LHCGR: variants seen among roughly 807,000 people sequenced by gnomAD.
The protein encoded by LHCGR is luteinizing hormone/choriogonadotropin receptor.
In LHCGR, 55 loss-of-function variants were observed where a neutral mutation model predicts 60.7. The ratio of observed to expected loss-of-function variants is 0.91; its 90% CI spans 0.73 to 1.13. The LOEUF (loss-of-function observed/expected upper bound fraction) is 1.13, where lower values mean the gene tolerates loss of function less well. Among genes scored for constraint, LHCGR ranks in the 50% most tolerant of loss-of-function variants. LHCGR has a pLI of 0.00. For synonymous variants in LHCGR, 337 were observed against 316.5 expected (o/e 1.06, Z -0.69); for missense variants, 862 against 836.0 (o/e 1.03, Z -0.38).
chr2:48,734,486 T>C (rs762526180), intron 1 of LHCGR, among the ~76,000 whole-genome samples: 16 of 152,206 alleles, frequency 1.1e-4, no homozygotes, highest in South Asian at 2.1e-4. Context: ...CCCTCTGTAC[T>C]AGAGAGACAA....
chr2:48,710,880 T>G (rs1431667855), intron 7 of LHCGR, among the ~76,000 whole-genome samples: 1 of 152,208 alleles, frequency 6.6e-6, no homozygotes, highest in Non-Finnish European at 1.5e-5. Flanking sequence ...CTTGACAGTT[T>G]TGAAAACTGC....
intron 1 of LHCGR, among the ~76,000 whole-genome samples, chr2:48,734,267 T>C (rs955022172): frequency 3.3e-5 from 5 of 152,188 alleles, no homozygotes; most frequent in Admixed American, 6.5e-5. Flanking sequence ...GGAGATATAA[T>C]ATACTGTTTG....
At chr2:48,706,762 C>T (rs113813589) in intron 8 of LHCGR, among the ~76,000 whole-genome samples, 7,688 of 152,198 alleles carry the variant, frequency 0.051, 601 homozygotes, top group African/African-American at 0.17. Flanking sequence ...TTCTTTTCTA[C>T]ACTGATTTTT....
intron 1 of LHCGR, among the ~76,000 whole-genome samples, chr2:48,748,267 A>C (rs1243530299): frequency 6.6e-6 from 1 of 152,068 alleles, no homozygotes; most frequent in African/African-American, 2.4e-5. Context: ...TATCTTGTAC[A>C]TTTCAGTACG....
Position 48,755,335 on chromosome 2 carries a change from C to G in LHCGR, c.161+176G>C, listed in dbSNP as rs1431861178. 2.0e-5 allele frequency among the ~76,000 whole-genome samples: 3 copies of G among 152,114 alleles called. No individual in the cohort carries two copies. The East Asian group carries it at 5.8e-4, about 29-fold the overall frequency. On this transcript the variant is annotated intron_variant, in intron 1 of 10. Coordinates refer to ENST00000294954, the MANE Select transcript of LHCGR (RefSeq NM_000233.4). ...TCTCAGAGGCATGGGGTGGTAAAAACAACCACCAAGTTTTGGGTTCTCATC... is the reference window on the plus strand; with the variant it reads ...TCTCAGAGGCATGGGGTGGTAAAAAGAACCACCAAGTTTTGGGTTCTCATC...
chr2:48,730,442 A>G (rs17037579), intron 2 of LHCGR, among the ~76,000 whole-genome samples: 25,137 of 152,172 alleles, frequency 0.17, 2,755 homozygotes, highest in East Asian at 0.42. Context: ...CTAATTGCTT[A>G]CTAATACCCT....
rs377567336 is a variant in LHCGR at position 48,687,785 on chromosome 2, T to C, written c.2012A>G (p.Asn671Ser). The C allele has an allele frequency of 6.2e-7, 1 of 1,614,164 alleles. No individual in the cohort carries two copies. ...CTTCAAGGTGGATTGAGAAGGCTTA[T>C]TTGATCCAGTGAAGCCATTTTTGCA... The part of the protein sequence containing the change: ...SNCKNGFTGS[N>S]KPSQSTLKLS... Residue 671 changes from asparagine (N) to serine (S), a missense_variant, in exon 11 of 11, where the codon AAT becomes AGT. By Grantham distance (46) the Asn-to-Ser change is conservative. Coordinates refer to ENST00000294954, the MANE Select transcript of LHCGR (RefSeq NM_000233.4).
At chr2:48,721,608 G>T in intron 6 of LHCGR, 1 of 453,596 alleles carries the variant, frequency 2.2e-6, no homozygotes. Context: ...CAAAGGCAGT[G>T]CACCAAGGAT....
chr2:48,751,900 C>G (rs1669973499), intron 1 of LHCGR, among the ~76,000 whole-genome samples: 1 of 152,138 alleles, frequency 6.6e-6, no homozygotes, highest in South Asian at 2.1e-4. Context: ...TTATTATTAG[C>G]ATTTTCTTAC....
chr2:48,727,290 A>G (rs921915404), intron 3 of LHCGR, among the ~76,000 whole-genome samples: 7 of 152,184 alleles, frequency 4.6e-5, no homozygotes, highest in Non-Finnish European at 8.8e-5. Context: ...AATTTAATAA[A>G]AGAATTTTGG....
At chr2:48,752,987 G>GGGGGGT (rs1670040102) in intron 1 of LHCGR, among the ~76,000 whole-genome samples, 1 of 72,694 alleles carries the variant, frequency 1.4e-5, no homozygotes. Context: ...TTGGCGGGGG[G>GGGGGGT]GGGGGGGGGT....
chr2:48,687,858 G>A lies in LHCGR; in HGVS notation c.1939C>T (p.Arg647Trp), dbSNP rs757979624. Residue 647 changes from arginine to tryptophan, a missense_variant, in exon 11 of 11, where the codon CGG becomes TGG. Physicochemically the swap from Arg to Trp is moderately radical, Grantham distance 101. Transcript: ENST00000294954. ...LLSKFGCCKR[R>W]AELYRRKDFS... ...TCTTTCCTTCTATAAAGTTCAGCCC[G>A]ACGTTTACAGCAGCCAAATTTGCTC... The A allele has an allele frequency of 1.9e-6, 3 of 1,613,976 alleles. No individual in the cohort carries two copies. The highest frequency in any genetic ancestry group is 2.2e-5 in the East Asian group (1 of 44,886).
intron 6 of LHCGR, among the ~76,000 whole-genome samples, chr2:48,715,185 A>G (rs1668189937): frequency 1.3e-5 from 2 of 152,004 alleles, no homozygotes; most frequent in South Asian, 4.2e-4. Flanking sequence ...CTTTATCATC[A>G]TCTGACCCAT....
At chr2:48,704,829 T>A (rs1310581558) in intron 8 of LHCGR, among the ~76,000 whole-genome samples, 1 of 152,218 alleles carries the variant, frequency 6.6e-6, no homozygotes, top group Admixed American at 6.5e-5. Context: ...GTTAATCTAT[T>A]CAAAAAACCA....
At chr2:48,743,441 T>C (rs1191176404) in intron 1 of LHCGR, among the ~76,000 whole-genome samples, 1 of 152,150 alleles carries the variant, frequency 6.6e-6, no homozygotes. Flanking sequence ...ACAAAAATCC[T>C]CAATAAAATG....
chr2:48,723,782 A>G, intron 4 of LHCGR, 86 bp from the exon 5 acceptor site: 1 of 1,018,690 alleles, frequency 9.8e-7, no homozygotes. Flanking sequence ...AGAGAGTACA[A>G]AGGCATTTTG....
chr2:48,694,448 G>T, intron 9 of LHCGR, 144 bp from the exon 10 acceptor site: 2 of 659,560 alleles, frequency 3.0e-6, no homozygotes, highest in Non-Finnish European at 5.5e-6. Context: ...TAACTGAAAT[G>T]CTTCCTGAGG....
intron 3 of LHCGR, among the ~76,000 whole-genome samples, chr2:48,726,762 T>G (rs1252613000): frequency 6.6e-6 from 1 of 152,242 alleles, no homozygotes; most frequent in Non-Finnish European, 1.5e-5. Flanking sequence ...TTAAGTTCTC[T>G]GTGTCTTGGT....
intron 1 of LHCGR, among the ~76,000 whole-genome samples, chr2:48,752,816 C>G (rs1350246202): frequency 1.3e-5 from 2 of 152,006 alleles, no homozygotes; most frequent in African/African-American, 4.8e-5. Context: ...ACATTCCTCC[C>G]TCATTCCCTG....
Sources: allele counts gnomAD v4.1 joint callset (sites outside exome capture counted in the v4.1 genomes callset), GRCh38; gene constraint gnomAD v4.1.1; transcripts MANE v1.5; gene names NCBI Gene and HGNC (gene_info 2026-07-23, HGNC 2026-07-21).